Variants in KCNH8 observed in about 807,000 individuals in gnomAD.
KCNH8 encodes potassium voltage-gated channel subfamily H member 8, also known as voltage-gated delayed rectifier potassium channel KCNH8.
Under a neutral mutation model 103.6 loss-of-function variants are expected in KCNH8, and 70 were observed. That is an observed-to-expected ratio of 0.68 (90% CI 0.56 to 0.82). The LOEUF is 0.82. Ranked by LOEUF, KCNH8 falls within the 40% of genes least tolerant of loss-of-function variation. The pLI, the probability that KCNH8 is intolerant of heterozygous loss-of-function variation, is 0.00. For missense variants in KCNH8, 1,217 were observed against 1,329.9 expected (o/e 0.92, Z 1.32); for synonymous variants, 498 against 489.4 (o/e 1.02, Z -0.23).
chr3:19,356,806 A>G (rs1366319725), intron 5 of KCNH8, among the ~76,000 whole-genome samples: 1 of 151,780 alleles, frequency 6.6e-6, no homozygotes. Flanking sequence ...ATATGATTCT[A>G]TTTTCTGAAA....
intron 11 of KCNH8, among the ~76,000 whole-genome samples, chr3:19,469,222 T>C (rs2067804571): frequency 6.6e-6 from 1 of 152,192 alleles, no homozygotes; most frequent in Admixed American, 6.5e-5. Flanking sequence ...CCATGTCAGC[T>C]TTCCTTGTTA....
chr3:19,216,813 G>T (rs1360919903), intron 1 of KCNH8, among the ~76,000 whole-genome samples: 1 of 152,174 alleles, frequency 6.6e-6, no homozygotes, highest in South Asian at 2.1e-4. Flanking sequence ...CAACAGGATT[G>T]GTTTTTCCAT....
intron 5 of KCNH8, among the ~76,000 whole-genome samples, chr3:19,387,933 G>C (rs1483503263): frequency 6.7e-6 from 1 of 148,652 alleles, no homozygotes; most frequent in African/African-American, 2.5e-5. Flanking sequence ...GAAAATACCT[G>C]TTGTTTTTTT....
Position 19,324,311 on chromosome 3 carries a change from T to C in KCNH8, c.443-18276T>C, listed in dbSNP as rs1043605591. 2.6e-5 allele frequency among the ~76,000 whole-genome samples: 4 copies of C among 152,232 alleles called. No individual in the cohort carries two copies. The East Asian group carries it at 5.8e-4, about 22-fold the overall frequency. ...GGAGGCCTCGGGAAACTTACAATCA[T>C]GGCAGAAGGTAAAGAAGAAAGCAAG... On this transcript the variant is annotated intron_variant, in intron 3 of 15. Transcript: ENST00000328405.
intron 4 of KCNH8, 104 bp downstream of exon 4, chr3:19,342,818 A>AT (rs948727357): frequency 5.6e-4 from 660 of 1,179,362 alleles, no homozygotes; most frequent in Middle Eastern, 1.2e-3. Context: ...GCTTGCCTAG[A>AT]TTTTTTTTTC....
chr3:19,210,650 T>A (rs1317955401), intron 1 of KCNH8, among the ~76,000 whole-genome samples: 1 of 152,078 alleles, frequency 6.6e-6, no homozygotes, highest in Non-Finnish European at 1.5e-5. Context: ...AATGGCTGCT[T>A]TAGTGTTACA....
chr3:19,489,319 T>A (rs1226869243), intron 11 of KCNH8, among the ~76,000 whole-genome samples: 1 of 152,094 alleles, frequency 6.6e-6, no homozygotes, highest in Non-Finnish European at 1.5e-5. Flanking sequence ...ATTCCCTCGG[T>A]GGGTGGAGCG....
chr3:19,372,408 CTGTT>C (rs1392349247), intron 5 of KCNH8, among the ~76,000 whole-genome samples: 3 of 150,384 alleles, frequency 2.0e-5, no homozygotes, highest in South Asian at 2.1e-4. Context: ...ATTTGGCTCT[CTGTT>C]TGTCTGTTGT....
At chr3:19,275,843 G>A (rs1037047995) in intron 2 of KCNH8, among the ~76,000 whole-genome samples, 9 of 151,998 alleles carry the variant, frequency 5.9e-5, no homozygotes, top group African/African-American at 2.2e-4. Context: ...CTGGAATGTT[G>A]TGCTGATTTG....
chr3:19,475,292 ATAAC>A (rs1424607110), intron 11 of KCNH8, among the ~76,000 whole-genome samples: 2 of 152,096 alleles, frequency 1.3e-5, no homozygotes, highest in Non-Finnish European at 2.9e-5. Context: ...GAATCTATAA[ATAAC>A]TAAATTAAGT....
intron 11 of KCNH8, among the ~76,000 whole-genome samples, chr3:19,495,738 A>G (rs2068425681): frequency 6.6e-6 from 1 of 151,914 alleles, no homozygotes; most frequent in African/African-American, 2.4e-5. Context: ...AAATTGCATG[A>G]AGAATGTCAC....
rs140887572 is a variant in KCNH8 at position 19,505,993 on chromosome 3, A to G, written c.2041-4370A>G. ...TGAGGTTGCATTGTAAAATTCTTGT[A>G]GTGTGTTTTTCAGCTATTTGCTTCT... On this transcript the variant is annotated intron_variant, in intron 11 of 15. Transcript: ENST00000328405. Among the ~76,000 whole-genome samples the G allele has an allele frequency of 2.0e-3, 297 of 152,132 alleles. 4 individuals are homozygous for G. The highest frequency in any genetic ancestry group is 6.5e-3 in the African/African-American group (269 of 41,514).
intron 8 of KCNH8, among the ~76,000 whole-genome samples, chr3:19,439,786 G>A (rs567387495): frequency 2.6e-5 from 4 of 151,942 alleles, no homozygotes; most frequent in Non-Finnish European, 5.9e-5. Context: ...AAGCAAAGAC[G>A]TAAAAGAAAA....
intron 7 of KCNH8, among the ~76,000 whole-genome samples, chr3:19,414,153 C>T (rs750791700): frequency 3.3e-5 from 5 of 152,020 alleles, no homozygotes; most frequent in South Asian, 2.1e-4. Context: ...TGCTTTAAAA[C>T]GTAACAGTCA....
chr3:19,148,842 T>C (rs1349756971), intron 1 of KCNH8, 47 bp downstream of exon 1: 1 of 1,523,240 alleles, frequency 6.6e-7, no homozygotes, highest in South Asian at 1.1e-5. Flanking sequence ...CTGAGACTGA[T>C]TTTTCTCGTA....
At chr3:19,411,748 T>C (rs1575033958) in intron 7 of KCNH8, among the ~76,000 whole-genome samples, 1 of 150,030 alleles carries the variant, frequency 6.7e-6, no homozygotes, top group Non-Finnish European at 1.5e-5. Context: ...AAGAACACAA[T>C]CCCATTAACC....
At position 19,239,693 on chromosome 3, in the gene KCNH8, C is replaced by CCTACCTACCTACCTAT. The variant is rs1237419961; in HGVS notation, c.77-13958_77-13957insCCTACCTACCTATCTA. Among the ~76,000 whole-genome samples the CCTACCTACCTACCTAT allele has an allele frequency of 1.9e-4, 29 of 149,620 alleles. No homozygotes were observed. The East Asian group carries it at 3.7e-3, about 19-fold the overall frequency. ...ATCTATCTATCTATCTACCTACCTA[C>CCTACCTACCTACCTAT]CTATCTATCTAAGCTGTCTATCTAA... On this transcript the variant is annotated intron_variant, in intron 1 of 15. Transcript: ENST00000328405.
chr3:19,223,185 G>T lies in KCNH8; in HGVS notation c.77-30469G>T, dbSNP rs1159814660. On this transcript the variant is annotated intron_variant, in intron 1 of 15. Coordinates refer to ENST00000328405, the MANE Select transcript of KCNH8 (RefSeq NM_144633.3). ...AAGAGTTACTAGAGGGGATAATCCT[G>T]GCTTGAGGTCAGCAACTCCAAATCT... is the stretch of plus-strand genomic sequence containing the variant. Among the ~76,000 whole-genome samples the T allele has an allele frequency of 5.3e-5, 8 of 152,046 alleles. No homozygotes were observed. In the South Asian group the frequency reaches 1.7e-3, roughly 32 times the overall value.
intron 15 of KCNH8, among the ~76,000 whole-genome samples, chr3:19,521,933 C>T (rs1255144094): frequency 1.3e-5 from 2 of 151,790 alleles, no homozygotes; most frequent in Admixed American, 6.6e-5. Context: ...AATAACCTGC[C>T]AAGCTTAACA....
Sources: allele counts gnomAD v4.1 joint callset (sites outside exome capture counted in the v4.1 genomes callset), GRCh38; gene constraint gnomAD v4.1.1; transcripts MANE v1.5; gene names NCBI Gene and HGNC (gene_info 2026-07-23, HGNC 2026-07-21).